The following PCDH11Y variants were observed in gnomAD, a reference collection of about 807,000 sequenced individuals.
PCDH11Y encodes protocadherin 11 Y-linked.
For missense variants in PCDH11Y, 12 were observed against 224.8 expected, an observed-to-expected ratio of 0.05 and a Z score of 6.05; for synonymous variants, 9 against 83.6, an observed-to-expected ratio of 0.11 and a Z score of 4.87.
intron 2 of PCDH11Y, among the ~76,000 whole-genome samples, chrY:5,354,594 C>T: frequency 3.1e-5 from 1 of 32,780 alleles, no homozygotes; most frequent in Admixed American, 2.9e-4. Flanking sequence ...CACACGCACA[C>T]GCACACATAC....
chrY:5,606,181 T>A (rs2053478598), intron 4 of PCDH11Y, among the ~76,000 whole-genome samples: 1 of 29,624 alleles, frequency 3.4e-5, no homozygotes, highest in Admixed American at 3.2e-4. Context: ...TATTTTTTTT[T>A]ATTATACTCT....
At chrY:5,600,502 T>C (rs2053471895) in intron 4 of PCDH11Y, among the ~76,000 whole-genome samples, 1 of 32,921 alleles carries the variant, frequency 3.0e-5, no homozygotes, top group African/African-American at 1.2e-4. Flanking sequence ...TTTTAGTTTT[T>C]TAAACTTTAC....
intron 1 of PCDH11Y, among the ~76,000 whole-genome samples, chrY:5,062,426 T>G: frequency 3.1e-5 from 1 of 32,226 alleles, no homozygotes; most frequent in South Asian, 7.1e-4. Context: ...ATTTGCATAT[T>G]AATATTTTTG....
chrY:5,107,875 C>T (rs529126757), downstream of PCDH11Y, among the ~76,000 whole-genome samples: 158 of 29,414 alleles, frequency 5.4e-3, no homozygotes, highest in South Asian at 0.079. Context: ...CTGGCTAACA[C>T]AGTGAAACCC....
Position 5,490,007 on chromosome Y carries a change from A to G in PCDH11Y, c.3130-11050A>G, listed in dbSNP as rs1348697613. Reference sequence around the variant, plus strand: ...CTAATATGATCATATTAAAATGCCAAAAAAAGAGTCTATTATAAACATATT... The same window carrying G: ...CTAATATGATCATATTAAAATGCCAGAAAAAGAGTCTATTATAAACATATT... On this transcript the variant is annotated intron_variant, in intron 2 of 4. Coordinates refer to the PCDH11Y transcript ENST00000400457. Among the ~76,000 whole-genome samples the G allele has an allele frequency of 6.7e-4, 22 of 32,794 alleles. No homozygotes were observed. The East Asian group carries it at 0.017, about 25-fold the overall frequency. The allele number at this position is 32,794 out of a possible 37,273, so 88.0% of individuals were successfully genotyped here. A position where few individuals can be genotyped will look rare whatever the true frequency, so the allele number is the denominator to read the frequency against.
chrY:5,426,715 C>T (rs2053263522), intron 2 of PCDH11Y, among the ~76,000 whole-genome samples: 1 of 32,058 alleles, frequency 3.1e-5, no homozygotes, highest in Non-Finnish European at 7.7e-5. Context: ...GATTGGTTCC[C>T]GTGGGAAAAA....
intron 2 of PCDH11Y, among the ~76,000 whole-genome samples, chrY:5,143,870 C>T: frequency 3.0e-5 from 1 of 33,302 alleles, no homozygotes; most frequent in Non-Finnish European, 7.5e-5. Flanking sequence ...TCTCTAGAGC[C>T]TTCTATAAGT....
intron 2 of PCDH11Y, among the ~76,000 whole-genome samples, chrY:5,399,734 A>G: frequency 3.2e-5 from 1 of 31,260 alleles, no homozygotes. Context: ...TCCTGACTTC[A>G]GGTGATCCGC....
intron 2 of PCDH11Y, among the ~76,000 whole-genome samples, chrY:5,263,136 G>A (rs2053021358): frequency 3.0e-5 from 1 of 33,681 alleles, no homozygotes; most frequent in Non-Finnish European, 7.4e-5. Flanking sequence ...TTGCTGCAGG[G>A]GCAGCGTTCT....
At chrY:5,322,700 T>G in intron 2 of PCDH11Y, among the ~76,000 whole-genome samples, 1 of 32,529 alleles carries the variant, frequency 3.1e-5, no homozygotes, top group Non-Finnish European at 7.5e-5. Flanking sequence ...GACGATATCT[T>G]ATTGATCCTA....
At chrY:5,354,336 A>C (rs1294539099) in intron 2 of PCDH11Y, among the ~76,000 whole-genome samples, 138 of 32,647 alleles carry the variant, frequency 4.2e-3, no homozygotes, top group Non-Finnish European at 8.1e-3. Flanking sequence ...CTCTTAAGAG[A>C]GAGGATACTT....
At chrY:5,505,269 C>T in intron 3 of PCDH11Y, among the ~76,000 whole-genome samples, 1 of 32,852 alleles carries the variant, frequency 3.0e-5, no homozygotes, top group Admixed American at 2.8e-4. Context: ...AGAGAAAAAT[C>T]CCCCTAAAAT....
intron 4 of PCDH11Y, among the ~76,000 whole-genome samples, chrY:5,684,172 C>A: frequency 3.0e-5 from 1 of 33,094 alleles, no homozygotes; most frequent in Non-Finnish European, 7.5e-5. Context: ...AGACATTTCT[C>A]AAAAGAATAC....
chrY:5,524,424 G>T, intron 3 of PCDH11Y, among the ~76,000 whole-genome samples: 1 of 32,397 alleles, frequency 3.1e-5, no homozygotes, highest in Non-Finnish European at 7.6e-5. Context: ...ATATGAAGAA[G>T]AAATTTTTTA....
At chrY:5,359,820 A>G (rs2053172848) in intron 2 of PCDH11Y, among the ~76,000 whole-genome samples, 1 of 32,977 alleles carries the variant, frequency 3.0e-5, no homozygotes. Context: ...CTCTGAGTTC[A>G]GAGTTTTTTA....
intron 2 of PCDH11Y, among the ~76,000 whole-genome samples, chrY:5,201,265 A>T: frequency 6.1e-5 from 2 of 32,627 alleles, no homozygotes; most frequent in African/African-American, 2.4e-4. Flanking sequence ...CATATGAGAC[A>T]TTCTATATTT....
At chrY:5,604,841 T>C (rs2124700036) in intron 4 of PCDH11Y, among the ~76,000 whole-genome samples, 5 of 32,866 alleles carry the variant, frequency 1.5e-4, no homozygotes, top group Admixed American at 1.4e-3. Context: ...TCATCCTACA[T>C]AGCTGCAACT....
intron 1 of PCDH11Y, among the ~76,000 whole-genome samples, chrY:5,059,167 T>C: frequency 3.1e-5 from 1 of 32,650 alleles, no homozygotes; most frequent in Non-Finnish European, 7.5e-5. Context: ...GGACAGTCTC[T>C]CTCTAAAGCA....
At chrY:5,596,414 T>A in intron 4 of PCDH11Y, among the ~76,000 whole-genome samples, 1 of 31,150 alleles carries the variant, frequency 3.2e-5, no homozygotes, top group Non-Finnish European at 7.8e-5. Flanking sequence ...ACAGAGACAT[T>A]GGTTACAATA....
Sources: gnomAD v4.1 joint callset for allele counts (sites outside exome capture counted in the v4.1 genomes callset) on GRCh38, gnomAD v4.1.1 for gene constraint, MANE v1.5 for transcripts, NCBI Gene and HGNC (gene_info 2026-07-23, HGNC 2026-07-21) for gene names.